Variants in PTPRD observed in about 807,000 individuals in gnomAD.
The protein encoded by PTPRD is receptor-type tyrosine-protein phosphatase delta.
In PTPRD, 34 loss-of-function variants were observed where a neutral mutation model predicts 214.5. The observed-to-expected ratio is 0.16, with a 90% CI of 0.12 to 0.21. PTPRD has a LOEUF of 0.21. Among genes scored for constraint, PTPRD ranks in the 10% least tolerant of loss-of-function variants. The pLI is 1.00. For missense variants in PTPRD, 2,545 were observed against 2,398.7 expected, an observed-to-expected ratio of 1.06 and a Z score of -1.27; for synonymous variants, 1,128 against 845.7, an observed-to-expected ratio of 1.33 and a Z score of -5.79.
intron 8 of PTPRD, among the ~76,000 whole-genome samples, chr9:9,504,182 T>C (rs2096512771): frequency 6.6e-6 from 1 of 151,780 alleles, no homozygotes; most frequent in Non-Finnish European, 1.5e-5. Flanking sequence ...TAAGGCTTTT[T>C]CTAAAATTTA....
In PTPRD at chr9:9,650,687, A is replaced by G. The variant is rs138753659; in HGVS notation, c.-286-75906T>C. Among the ~76,000 whole-genome samples, 1,073 of 152,208 alleles carry G rather than the reference A, an allele frequency of 7.0e-3. 10 individuals are homozygous for G. The highest frequency in any genetic ancestry group is 0.025 in the African/African-American group (1,041 of 41,534). Reference sequence around the variant, plus strand: ...AAATAACTAACGAGTACTAGGCTTAATACCTGGGTGATTAAATAATCTGTA... The same window carrying G: ...AAATAACTAACGAGTACTAGGCTTAGTACCTGGGTGATTAAATAATCTGTA... On this transcript the variant is annotated intron_variant, in intron 7 of 45. Transcript: ENST00000381196.
chr9:9,153,665 C>G (rs927667156), intron 10 of PTPRD, among the ~76,000 whole-genome samples: 1 of 152,134 alleles, frequency 6.6e-6, no homozygotes, highest in Non-Finnish European at 1.5e-5. Context: ...TAGGTCTCTA[C>G]AAAACACGTC....
At chr9:9,017,788 G>C (rs1268830679) in intron 11 of PTPRD, among the ~76,000 whole-genome samples, 1 of 152,074 alleles carries the variant, frequency 6.6e-6, no homozygotes, top group Non-Finnish European at 1.5e-5. Context: ...AACCATTCAA[G>C]TTGTAGTTTA....
Position 8,317,941 on chromosome 9 carries a change from T to A in PTPRD, c.5672A>T (p.Asp1891Val), listed in dbSNP as rs1823052779. ...GGCACGATAGGAAAACTGATATTGA[T>A]CCTGCAGGAGACAATGAATGGGGAG... ...TQRPAMVQTEDQYQFSYRAAL... is the reference protein window; with the variant it reads ...TQRPAMVQTEVQYQFSYRAAL... Residue 1891 changes from aspartate to valine, a missense_variant and splice_region_variant, in exon 46 of 46, where the codon GAT becomes GTT. Coordinates refer to ENST00000381196, the MANE Select transcript of PTPRD (RefSeq NM_002839.4). 1 of 1,611,672 alleles carries A rather than the reference T, an allele frequency of 6.2e-7. No individual in the cohort carries two copies. The highest frequency in any genetic ancestry group is 8.5e-7 in the Non-Finnish European group (1 of 1,178,396).
chr9:8,876,049 G>A (rs2154212561), intron 11 of PTPRD, among the ~76,000 whole-genome samples: 1 of 152,192 alleles, frequency 6.6e-6, no homozygotes, highest in African/African-American at 2.4e-5. Flanking sequence ...CTCTTACTTA[G>A]ACCTTATCAT....
chr9:9,918,363 A>C (rs2081545117), intron 5 of PTPRD, among the ~76,000 whole-genome samples: 2 of 149,708 alleles, frequency 1.3e-5, no homozygotes, highest in African/African-American at 2.5e-5. Context: ...AAAAAAAAAA[A>C]AAAAAAACTC....
chr9:8,724,904 C>T (rs2098541179), intron 12 of PTPRD, among the ~76,000 whole-genome samples: 1 of 152,162 alleles, frequency 6.6e-6, no homozygotes, highest in Admixed American at 6.5e-5. Flanking sequence ...CGTCACTGCA[C>T]TCCAGCCTGG....
intron 7 of PTPRD, among the ~76,000 whole-genome samples, chr9:9,697,832 T>C (rs2097410026): frequency 6.6e-6 from 1 of 152,190 alleles, no homozygotes. Context: ...ACATATCTTG[T>C]AGGAATTCTT....
chr9:9,976,841 T>C (rs1022224861), intron 4 of PTPRD, among the ~76,000 whole-genome samples: 4 of 152,022 alleles, frequency 2.6e-5, no homozygotes, highest in African/African-American at 7.2e-5. Context: ...GTAGGAGTGA[T>C]AAATAATAAC....
chr9:8,750,854 T>C (rs1163388292), intron 11 of PTPRD, among the ~76,000 whole-genome samples: 3 of 152,180 alleles, frequency 2.0e-5, no homozygotes, highest in Admixed American at 6.5e-5. Context: ...GAGGGCTTTA[T>C]GCTATGGAGT....
intron 3 of PTPRD, among the ~76,000 whole-genome samples, chr9:10,252,138 T>C (rs1466409998): frequency 6.6e-6 from 1 of 152,022 alleles, no homozygotes; most frequent in Non-Finnish European, 1.5e-5. Flanking sequence ...ATAAAAATAA[T>C]TTTTTAAACT....
At chr9:9,152,039 A>G (rs1353797543) in intron 10 of PTPRD, among the ~76,000 whole-genome samples, 1 of 152,244 alleles carries the variant, frequency 6.6e-6, no homozygotes, top group Non-Finnish European at 1.5e-5. Context: ...AGACCTCTGT[A>G]AAAAGAAATA....
intron 9 of PTPRD, among the ~76,000 whole-genome samples, chr9:9,184,263 A>C: frequency 6.6e-6 from 1 of 152,158 alleles, no homozygotes; most frequent in East Asian, 1.9e-4. Flanking sequence ...AAAATGGCTA[A>C]CTGTTCACCA....
intron 9 of PTPRD, among the ~76,000 whole-genome samples, chr9:9,193,434 A>T (rs974587528): frequency 2.0e-5 from 3 of 152,138 alleles, no homozygotes; most frequent in Non-Finnish European, 2.9e-5. Context: ...ACTTGATGAT[A>T]GGAATACATT....
At chr9:9,175,991 C>T (rs944053791) in intron 10 of PTPRD, among the ~76,000 whole-genome samples, 1 of 152,158 alleles carries the variant, frequency 6.6e-6, no homozygotes, top group African/African-American at 2.4e-5. Flanking sequence ...TCTTCTATAG[C>T]TGAGTCTGCA....
intron 33 of PTPRD, among the ~76,000 whole-genome samples, chr9:8,456,142 C>G (rs141608753): frequency 6.6e-6 from 1 of 152,036 alleles, no homozygotes; most frequent in East Asian, 1.9e-4. Context: ...TTTTTGTGTG[C>G]CAGGCACTCT....
intron 4 of PTPRD, among the ~76,000 whole-genome samples, chr9:10,002,540 GCTA>G (rs947453683): frequency 1.5e-4 from 23 of 151,054 alleles, no homozygotes; most frequent in Admixed American, 1.3e-3. Flanking sequence ...AGTGTCTACA[GCTA>G]CTATCAGACA....
At chr9:10,019,441 G>C (rs1213059942) in intron 4 of PTPRD, among the ~76,000 whole-genome samples, 1 of 152,082 alleles carries the variant, frequency 6.6e-6, no homozygotes, top group Admixed American at 6.5e-5. Context: ...ATACCCAAAG[G>C]ATTATAAATC....
intron 3 of PTPRD, among the ~76,000 whole-genome samples, chr9:10,236,624 G>A (rs1594991479): frequency 6.6e-6 from 1 of 151,614 alleles, no homozygotes; most frequent in Non-Finnish European, 1.5e-5. Context: ...TTTTCTATAT[G>A]GTGGATCATT....
Sources: gnomAD v4.1 joint callset for allele counts (sites outside exome capture counted in the v4.1 genomes callset) on GRCh38, gnomAD v4.1.1 for gene constraint, MANE v1.5 for transcripts, NCBI Gene and HGNC (gene_info 2026-07-23, HGNC 2026-07-21) for gene names.